The following EXOC6B variants were observed in gnomAD, a reference collection of about 807,000 sequenced individuals.
The protein encoded by EXOC6B is exocyst complex component 6B, also known as SEC15 homolog B.
Under a neutral mutation model 113.5 loss-of-function variants are expected in EXOC6B, and 54 were observed. The ratio of observed to expected loss-of-function variants is 0.48; its 90% confidence interval spans 0.38 to 0.60. The LOEUF is 0.60. Ranked by LOEUF, EXOC6B falls within the 20% of genes least tolerant of loss-of-function variation. The pLI, the probability that EXOC6B is intolerant of heterozygous loss-of-function variation, is 0.00. For missense variants in EXOC6B, 797 were observed against 977.5 expected (o/e 0.82, Z 2.46); for synonymous variants, 357 against 339.0 (o/e 1.05, Z -0.58).
intron 8 of EXOC6B, among the ~76,000 whole-genome samples, chr2:72,535,223 G>A (rs1048713678): frequency 2.0e-5 from 3 of 152,184 alleles, no homozygotes; most frequent in African/African-American, 4.8e-5. Context: ...CCTCTTCAGA[G>A]TCTATTGTGC....
At chr2:72,340,598 T>A (rs1359807969) in intron 19 of EXOC6B, among the ~76,000 whole-genome samples, 1 of 152,168 alleles carries the variant, frequency 6.6e-6, no homozygotes, top group Non-Finnish European at 1.5e-5. Flanking sequence ...TCACCTGCTC[T>A]TGCTGAATGG....
At chr2:72,763,739 T>C in intron 1 of EXOC6B, among the ~76,000 whole-genome samples, 1 of 152,154 alleles carries the variant, frequency 6.6e-6, no homozygotes, top group South Asian at 2.1e-4. Context: ...TGAACTTTTA[T>C]AAATGTTTCT....
At chr2:72,483,959 A>G (rs965364453) in intron 16 of EXOC6B, among the ~76,000 whole-genome samples, 1 of 151,696 alleles carries the variant, frequency 6.6e-6, no homozygotes, top group Non-Finnish European at 1.5e-5. Flanking sequence ...TATCTCTTAC[A>G]TAAAGTTCTA....
chr2:72,449,420 C>T (rs1196394464), intron 18 of EXOC6B, among the ~76,000 whole-genome samples: 1 of 151,972 alleles, frequency 6.6e-6, no homozygotes, highest in African/African-American at 2.4e-5. Flanking sequence ...ATACACCCGC[C>T]TCTGCCTCCC....
At chr2:72,262,701 G>GT (rs201538458) in intron 20 of EXOC6B, among the ~76,000 whole-genome samples, 6,901 of 152,178 alleles carry the variant, frequency 0.045, 264 homozygotes, top group Middle Eastern at 0.14. Context: ...CAGCATTCTG[G>GT]TTTCATACTG....
chr2:72,317,235 C>A (rs982420586), intron 20 of EXOC6B, among the ~76,000 whole-genome samples: 4 of 151,372 alleles, frequency 2.6e-5, no homozygotes, highest in Admixed American at 6.6e-5. Context: ...TAAAACAGAT[C>A]AAGAGAAGTA....
intron 20 of EXOC6B, among the ~76,000 whole-genome samples, chr2:72,270,665 C>G (rs910990716): frequency 1.3e-5 from 2 of 151,954 alleles, no homozygotes; most frequent in African/African-American, 4.8e-5. Flanking sequence ...TTGGTAACTA[C>G]CATAACTTTA....
At chr2:72,567,465 C>T (rs1455590201) in intron 7 of EXOC6B, among the ~76,000 whole-genome samples, 1 of 151,962 alleles carries the variant, frequency 6.6e-6, no homozygotes, top group Non-Finnish European at 1.5e-5. Context: ...AGACTTACTA[C>T]ATTAGATTGG....
intron 20 of EXOC6B, among the ~76,000 whole-genome samples, chr2:72,324,295 T>G (rs1688005183): frequency 6.6e-6 from 1 of 152,212 alleles, no homozygotes; most frequent in Non-Finnish European, 1.5e-5. Flanking sequence ...TCAGAAGAGC[T>G]CAGAACATTT....
intron 1 of EXOC6B, among the ~76,000 whole-genome samples, chr2:72,776,831 A>G (rs1452351090): frequency 6.6e-6 from 1 of 152,170 alleles, no homozygotes; most frequent in Non-Finnish European, 1.5e-5. Flanking sequence ...ATAATGACCA[A>G]AAATTTCCTA....
At position 72,706,279 on chromosome 2, in the gene EXOC6B, G is replaced by A. The variant is rs116606770; in HGVS notation, c.669+11824C>T. 7.6e-3 allele frequency among the ~76,000 whole-genome samples: 1,163 copies of A among 152,102 alleles called. 6 individuals carry two copies. Among genetic ancestry groups the A allele is most frequent in the Non-Finnish European group, 0.013 (900 of 68,004 alleles). On this transcript the variant is annotated intron_variant, in intron 6 of 21. Transcript: ENST00000272427. ...ATACTTTCCCAGAGTCATTCACCCC[G>A]CCAAAAAAAACCAGCTGAAAGGTGT...
chr2:72,759,277 A>C (rs937523435), intron 1 of EXOC6B, among the ~76,000 whole-genome samples: 1 of 152,228 alleles, frequency 6.6e-6, no homozygotes, highest in African/African-American at 2.4e-5. Context: ...AAATATTAAA[A>C]ATTTTTAAAT....
chr2:72,377,997 G>T (rs1213074652), intron 19 of EXOC6B, among the ~76,000 whole-genome samples: 2 of 151,194 alleles, frequency 1.3e-5, no homozygotes, highest in Non-Finnish European at 2.9e-5. Context: ...CTCCTCTAGA[G>T]CTTTGAGTAG....
At chr2:72,794,683 A>C (rs968850961) in intron 1 of EXOC6B, among the ~76,000 whole-genome samples, 4 of 152,246 alleles carry the variant, frequency 2.6e-5, no homozygotes, top group Non-Finnish European at 5.9e-5. Context: ...ATACCAGGTG[A>C]TAGAAACAAG....
chr2:72,243,629 A>G (rs1170146984), intron 20 of EXOC6B, among the ~76,000 whole-genome samples: 1 of 152,168 alleles, frequency 6.6e-6, no homozygotes, highest in Non-Finnish European at 1.5e-5. Context: ...GCATTAGGAA[A>G]AATACCTAAT....
chr2:72,250,257 G>A (rs1232502229), intron 20 of EXOC6B, among the ~76,000 whole-genome samples: 2 of 152,122 alleles, frequency 1.3e-5, no homozygotes, highest in Non-Finnish European at 2.9e-5. Flanking sequence ...TGCTTGGTTG[G>A]AGCCTCTATT....
chr2:72,603,574 C>T (rs1223372450), intron 6 of EXOC6B, among the ~76,000 whole-genome samples: 1 of 152,116 alleles, frequency 6.6e-6, no homozygotes, highest in African/African-American at 2.4e-5. Flanking sequence ...TCCTATGCTC[C>T]CCGTGTGTAA....
chr2:72,358,591 A>T (rs1300762306), intron 19 of EXOC6B, among the ~76,000 whole-genome samples: 1 of 152,210 alleles, frequency 6.6e-6, no homozygotes, highest in Non-Finnish European at 1.5e-5. Context: ...AGGTTTAGAG[A>T]AGTTGAGTAT....
chr2:72,498,361 G>A, intron 13 of EXOC6B, 93 bp downstream of exon 13: 3 of 749,814 alleles, frequency 4.0e-6, no homozygotes, highest in Non-Finnish European at 6.4e-6. Flanking sequence ...TATACTTGTT[G>A]CCTATAACAT....
Sources: gnomAD v4.1 joint callset for allele counts (sites outside exome capture counted in the v4.1 genomes callset) on GRCh38, gnomAD v4.1.1 for gene constraint, MANE v1.5 for transcripts, NCBI Gene and HGNC (gene_info 2026-07-23, HGNC 2026-07-21) for gene names.